The following SLC22A9 variants were observed in gnomAD, a reference collection of about 807,000 sequenced individuals.
SLC22A9 encodes the protein organic anion transporter 7.
Under a neutral mutation model 50.1 loss-of-function variants are expected in SLC22A9, and 64 were observed. The ratio of observed to expected loss-of-function variants is 1.28; its 90% CI spans 1.04 to 1.57. The LOEUF (loss-of-function observed/expected upper bound fraction) is 1.57, where lower values mean the gene tolerates loss of function less well. Ranked by LOEUF, SLC22A9 falls within the 40% of genes most tolerant of loss-of-function variation. The pLI, the probability that SLC22A9 is intolerant of heterozygous loss-of-function variation, is 0.00. For missense variants in SLC22A9, 757 were observed against 676.1 expected (o/e 1.12, Z -1.33); for synonymous variants, 261 against 242.5 (o/e 1.08, Z -0.71).
chr11:63,389,573 G>A (rs1045453173), intron 6 of SLC22A9, among the ~76,000 whole-genome samples: 4 of 152,108 alleles, frequency 2.6e-5, no homozygotes, highest in Non-Finnish European at 4.4e-5. Context: ...TCTTTATCCA[G>A]TCTATCACTG....
chr11:63,398,986 A>G (rs1314603573), intron 6 of SLC22A9, among the ~76,000 whole-genome samples: 1 of 152,224 alleles, frequency 6.6e-6, no homozygotes, highest in African/African-American at 2.4e-5. Context: ...CAAATAACTC[A>G]GACTTAAAAA....
intron 1 of SLC22A9, 68 bp from the exon 2 acceptor site, chr11:63,371,067 T>G: frequency 1.7e-6 from 2 of 1,174,818 alleles, no homozygotes; most frequent in South Asian, 2.7e-5. Flanking sequence ...CAGATCATGC[T>G]AAGAAGTTTT....
chr11:63,401,533 G>C (rs1316195014), intron 6 of SLC22A9, among the ~76,000 whole-genome samples: 1 of 152,060 alleles, frequency 6.6e-6, no homozygotes, highest in Non-Finnish European at 1.5e-5. Context: ...AACCAATATT[G>C]TTAAAATGTC....
At position 63,382,173 on chromosome 11, in the gene SLC22A9, CA is replaced by C; in HGVS notation, c.970del (p.Met324Ter). 1 of 1,602,464 alleles carries C rather than the reference CA, an allele frequency of 6.2e-7. No homozygotes were observed. Among genetic ancestry groups the C allele is most frequent in the Non-Finnish European group, 8.5e-7 (1 of 1,176,202 alleles). ...TLTLEILKST[M>X]KKELEAAQKK... ...TATTGTTGAAGATTTTGAAATCCACCATGAAAAAAGAACTGGAGGCAGCACA... is the reference window on the plus strand; with the variant it reads ...TATTGTTGAAGATTTTGAAATCCACCTGAAAAAAGAACTGGAGGCAGCACA... On this transcript the variant is annotated frameshift_variant, in exon 6 of 10. Coordinates refer to ENST00000279178, the MANE Select transcript of SLC22A9 (RefSeq NM_080866.3). LOFTEE classifies it high-confidence loss of function.
At chr11:63,384,769 C>A (rs1419330463) in intron 6 of SLC22A9, among the ~76,000 whole-genome samples, 3 of 152,066 alleles carry the variant, frequency 2.0e-5, no homozygotes, top group Non-Finnish European at 2.9e-5. Flanking sequence ...AGTGTAAAAG[C>A]ATTACTGTTT....
At chr11:63,374,394 A>G (rs2014424347) in intron 4 of SLC22A9, among the ~76,000 whole-genome samples, 1 of 152,202 alleles carries the variant, frequency 6.6e-6, no homozygotes. Flanking sequence ...TGAATAAAAC[A>G]TAGGAAGTCC....
chr11:63,401,058 A>G (rs1341598643), intron 6 of SLC22A9, among the ~76,000 whole-genome samples: 2 of 152,050 alleles, frequency 1.3e-5, no homozygotes, highest in African/African-American at 2.4e-5. Flanking sequence ...GAGAATGGGG[A>G]AAAAAATGAA....
intron 6 of SLC22A9, among the ~76,000 whole-genome samples, chr11:63,392,969 T>C (rs2014790111): frequency 6.6e-6 from 1 of 152,156 alleles, no homozygotes; most frequent in Admixed American, 6.6e-5. Context: ...TGGCCATGCA[T>C]GCTCTCTTTT....
At chr11:63,397,128 C>T (rs144980446) in intron 6 of SLC22A9, among the ~76,000 whole-genome samples, 127 of 152,322 alleles carry the variant, frequency 8.3e-4, no homozygotes, top group African/African-American at 2.9e-3. Context: ...CTTGCAGACC[C>T]ACAGATATAC....
intron 5 of SLC22A9, among the ~76,000 whole-genome samples, chr11:63,376,984 T>G (rs539767911): frequency 6.6e-6 from 1 of 152,064 alleles, no homozygotes; most frequent in Non-Finnish European, 1.5e-5. Context: ...AGGGTTCAAT[T>G]CAATAAGATT....
In SLC22A9 at chr11:63,373,654, A is replaced by G. The variant is rs772368555; in HGVS notation, c.517A>G (p.Arg173Gly). 6.4e-7 allele frequency: 1 copy of G among 1,556,196 alleles called. No individual in the cohort carries two copies. The highest frequency in any genetic ancestry group is 1.4e-5 in the African/African-American group (1 of 72,438). The change falls in exon 3 of 10, where the codon AGG becomes GGG. Residue 173 changes from arginine (R) to glycine (G), a missense_variant. By Grantham distance (125) the Arg-to-Gly change is moderately radical. Coordinates refer to ENST00000279178, the MANE Select transcript of SLC22A9 (RefSeq NM_080866.3). ...GTTTCTGTTTCTCAGGTTTGGGAGA[A>G]GGTTCGTGCTCAGATGGTGTTACCT... ...GGHLSDRFGR[R>G]FVLRWCYLQV...
intron 5 of SLC22A9, among the ~76,000 whole-genome samples, chr11:63,379,534 T>G (rs1249390126): frequency 6.6e-6 from 1 of 152,018 alleles, no homozygotes; most frequent in African/African-American, 2.4e-5. Context: ...ACTAAAGAGC[T>G]TTTCCACAAA....
At position 63,375,656 on chromosome 11, in the gene SLC22A9, A is replaced by T; in HGVS notation, c.842A>T (p.Glu281Val). The T allele has an allele frequency of 6.2e-7, 1 of 1,612,386 alleles. No homozygotes were observed. The highest frequency in any genetic ancestry group is 8.5e-7 in the Non-Finnish European group (1 of 1,178,850). ...VIFLTSSWLL[E>V]SARWLIINNK... ...TCTTCCTTGGTCAGTTGGCTGCTAG[A>T]GTCTGCTCGGTGGCTCATTATCAAC... The change falls in exon 5 of 10, where the codon GAG becomes GTG. Residue 281 changes from glutamate to valine, a missense_variant. By Grantham distance (121) the Glu-to-Val change is moderately radical. Transcript: ENST00000279178.
chr11:63,409,600 C>G (rs995222583), intron 9 of SLC22A9, among the ~76,000 whole-genome samples: 5 of 152,088 alleles, frequency 3.3e-5, no homozygotes, highest in African/African-American at 1.2e-4. Flanking sequence ...AGAAAGTATC[C>G]AAGCTGCCTT....
At chr11:63,388,334 A>G (rs1381978072) in intron 6 of SLC22A9, among the ~76,000 whole-genome samples, 1 of 150,510 alleles carries the variant, frequency 6.6e-6, no homozygotes, top group Non-Finnish European at 1.5e-5. Flanking sequence ...ATGTTGAGGT[A>G]TGTTCTTCTA....
At chr11:63,398,778 C>T (rs916624597) in intron 6 of SLC22A9, among the ~76,000 whole-genome samples, 1 of 152,206 alleles carries the variant, frequency 6.6e-6, no homozygotes, top group African/African-American at 2.4e-5. Context: ...GAAATTAAAA[C>T]CAAGTACTGT....
At chr11:63,396,909 T>C (rs1436741051) in intron 6 of SLC22A9, among the ~76,000 whole-genome samples, 1 of 152,180 alleles carries the variant, frequency 6.6e-6, no homozygotes, top group Non-Finnish European at 1.5e-5. Context: ...GTTTCCTGGA[T>C]GGTGCTGATG....
intron 6 of SLC22A9, among the ~76,000 whole-genome samples, chr11:63,400,951 C>A (rs144071365): frequency 2.8e-4 from 43 of 152,070 alleles, no homozygotes; most frequent in Admixed American, 1.4e-3. Context: ...AATTCGAATT[C>A]TCTCTTTATG....
At chr11:63,406,199 A>G (rs1364296986) in intron 6 of SLC22A9, among the ~76,000 whole-genome samples, 1 of 152,204 alleles carries the variant, frequency 6.6e-6, no homozygotes, top group Non-Finnish European at 1.5e-5. Context: ...ACCTTTGAAA[A>G]GTCTTCAGAA....
Sources: gnomAD v4.1 joint callset for allele counts (sites outside exome capture counted in the v4.1 genomes callset) on GRCh38, gnomAD v4.1.1 for gene constraint, MANE v1.5 for transcripts, NCBI Gene and HGNC (gene_info 2026-07-23, HGNC 2026-07-21) for gene names.